The following KLC4 variants were observed in gnomAD, a reference collection of about 807,000 sequenced individuals.
KLC4 encodes the protein kinesin light chain 4.
KLC4 carries 49 observed loss-of-function variants against 77.2 expected under a neutral mutation model. That is an observed-to-expected ratio of 0.63 (90% CI 0.50 to 0.80). The LOEUF is 0.80. Among genes scored for constraint, KLC4 ranks in the 30% least tolerant of loss-of-function variants. The pLI is 0.00. For synonymous variants in KLC4, 274 were observed against 314.5 expected, an observed-to-expected ratio of 0.87 and a Z score of 1.36; for missense variants, 669 against 793.5, an observed-to-expected ratio of 0.84 and a Z score of 1.89.
chr6:43,066,110 A>G (rs1447582234), intron 4 of KLC4, among the ~76,000 whole-genome samples, 196 bp from the exon 5 acceptor site: 1 of 152,218 alleles, frequency 6.6e-6, no homozygotes, highest in East Asian at 1.9e-4. Flanking sequence ...TGCATGAATT[A>G]CTGGGTGAAC....
intron 6 of KLC4, 91 bp from the exon 7 acceptor site, chr6:43,070,263 G>A: frequency 1.2e-6 from 1 of 810,246 alleles, no homozygotes; most frequent in Non-Finnish European, 2.1e-6. Context: ...TGTGCAGTGA[G>A]TGTTGGGCCC....
chr6:43,066,255 A>G, intron 4 of KLC4, 51 bp from the exon 5 acceptor site: 1 of 1,488,282 alleles, frequency 6.7e-7, no homozygotes, highest in Non-Finnish European at 9.4e-7. Context: ...GGAAGGGCAG[A>G]CAGCAAAGGG....
intron 6 of KLC4, among the ~76,000 whole-genome samples, chr6:43,070,095 C>CAA (rs1160489881): frequency 8.8e-5 from 7 of 79,380 alleles, no homozygotes; most frequent in African/African-American, 1.5e-4. Context: ...ACAACAACAA[C>CAA]AAAAAAAAAA....
chr6:43,062,909 C>A lies in KLC4; in HGVS notation c.259-8C>A, dbSNP rs746914399. 1 of 1,612,156 alleles carries A rather than the reference C, an allele frequency of 6.2e-7. No homozygotes were observed. The highest frequency in any genetic ancestry group is 8.5e-7 in the Non-Finnish European group (1 of 1,178,230). On this transcript the variant is annotated splice_region_variant and splice_polypyrimidine_tract_variant and intron_variant, in intron 2 of 15. Transcript: ENST00000347162. ...AGAATCTGGAGCTCAGGGGATGTGC[C>A]CACCTAGGTGATGCTGGCTCTAGCC...
In KLC4 at chr6:43,071,617, A is replaced by G; in HGVS notation, c.1306A>G (p.Lys436Glu). 1.2e-6 allele frequency: 2 copies of G among 1,613,494 alleles called. No individual in the cohort carries two copies. Among genetic ancestry groups the G allele is most frequent in the East Asian group, 2.2e-5 (1 of 44,862 alleles). The change falls in exon 10 of 16, where the codon AAA becomes GAA. Residue 436 changes from lysine to glutamate, a missense_variant and splice_region_variant. Coordinates refer to ENST00000347162, the MANE Select transcript of KLC4 (RefSeq NM_201521.3). ...TGCAGAGGAGCGGGAGGAAATGAGC[A>G]AAGTGAGTGGGGGGAAGGGGGGCCA... ...MHAEEREEMS[K>E]SRHHEGGTPY...
intron 6 of KLC4, 77 bp from the exon 7 acceptor site, chr6:43,070,277 T>C: frequency 1.1e-6 from 1 of 948,736 alleles, no homozygotes; most frequent in Non-Finnish European, 1.7e-6. Flanking sequence ...TGGGCCCTGC[T>C]GGGAGGTGGG....
chr6:43,063,575 C>T (rs1184198313), intron 3 of KLC4, among the ~76,000 whole-genome samples: 7 of 145,848 alleles, frequency 4.8e-5, no homozygotes, highest in African/African-American at 1.0e-4. Flanking sequence ...TTTTTTGAGA[C>T]GGAGTTTCAC....
At position 43,066,337 on chromosome 6, in the gene KLC4, G is replaced by T; in HGVS notation, c.603G>T (p.Gln201His). The part of the protein sequence containing the change: ...LSRGQGATAA[Q>H]QGGYEIPARL... Reference sequence around the variant, plus strand: ...GTGGTCAAGGTGCTACAGCAGCTCAGCAGGGTGGATATGAGATCCCAGCAA... The same window carrying T: ...GTGGTCAAGGTGCTACAGCAGCTCATCAGGGTGGATATGAGATCCCAGCAA... The change falls in exon 5 of 16, where the codon CAG becomes CAT. Residue 201 changes from glutamine to histidine, a missense_variant. By Grantham distance (24) the Gln-to-His change is conservative. Coordinates refer to ENST00000347162, the MANE Select transcript of KLC4 (RefSeq NM_201521.3). 6.2e-7 allele frequency: 1 copy of T among 1,614,180 alleles called. No individual in the cohort carries two copies. The highest frequency in any genetic ancestry group is 8.5e-7 in the Non-Finnish European group (1 of 1,180,018).
intron 8 of KLC4, 61 bp downstream of exon 8, chr6:43,070,926 A>AG (rs201530763): frequency 0.058 from 6,158 of 106,436 alleles, 112 homozygotes; most frequent in Non-Finnish European, 0.07. Flanking sequence ...AGGTGGGGGG[A>AG]GGGGGGGCAG....
intron 15 of KLC4, 25 bp from the exon 16 acceptor site, chr6:43,074,597 G>T (rs1275337458): frequency 6.2e-7 from 1 of 1,612,442 alleles, no homozygotes; most frequent in Non-Finnish European, 8.5e-7. Context: ...TCCCTGAGCT[G>T]ATGGGGTAGT....
chr6:43,065,599 AT>A lies in KLC4; in HGVS notation c.490-20del. 1 of 1,581,906 alleles carries A rather than the reference AT, an allele frequency of 6.3e-7. No homozygotes were observed. Among genetic ancestry groups the A allele is most frequent in the Non-Finnish European group, 8.7e-7 (1 of 1,150,974 alleles). On this transcript the variant is annotated intron_variant, in intron 3 of 15. Coordinates refer to ENST00000347162, the MANE Select transcript of KLC4 (RefSeq NM_201521.3). ...TAGGTAGGGATATCTTGGCCCTTAT[AT>A]GTTGCTTCTTCCCTTCCAGGAGGAG...
chr6:43,059,916 C>T (rs1157277977), intron 1 of KLC4: 7 of 1,267,988 alleles, frequency 5.5e-6, no homozygotes, highest in Non-Finnish European at 6.0e-6. Flanking sequence ...GGTCGTTAGG[C>T]CTCCACGTCC....
At chr6:43,071,487 C>A in intron 9 of KLC4, 80 bp from the exon 10 acceptor site, 1 of 1,555,716 alleles carries the variant, frequency 6.4e-7, no homozygotes, top group Non-Finnish European at 8.8e-7. Context: ...TTCAGTCCAG[C>A]CTGTCAGCCT....
At position 43,071,337 on chromosome 6, in the gene KLC4, G is replaced by C. The variant is rs369422490; in HGVS notation, c.1218G>C (p.Leu406=). ...CTGAGACACTATACAAAGAGATCCT[G>C]ACCCGTGCCCATGTACAGGAGTTTG... ...AEAETLYKEI[L]TRAHVQEFGS... is the part of the protein sequence containing the mutation. Residue 406 remains leucine, a synonymous_variant, in exon 9 of 16, where the codon CTG becomes CTC. Coordinates refer to ENST00000347162, the MANE Select transcript of KLC4 (RefSeq NM_201521.3). 46 of 1,613,778 alleles carry C rather than the reference G, an allele frequency of 2.9e-5. No individual in the cohort carries two copies. The highest frequency in any genetic ancestry group is 3.7e-5 in the Non-Finnish European group (44 of 1,179,908).
At chr6:43,074,189 G>A (rs962870247) in intron 15 of KLC4, 9 of 491,810 alleles carry the variant, frequency 1.8e-5, no homozygotes, top group Non-Finnish European at 3.2e-5. Context: ...TAATAAGGAG[G>A]GAAATAGGAA....
In KLC4 at chr6:43,074,823, C is replaced by T; in HGVS notation, c.*151C>T. On this transcript the variant is annotated 3_prime_UTR_variant, in exon 16 of 16. Transcript: ENST00000347162. ...ATTGCTGCTGCCCTTAGGGTCTCAGCTCCCTCCTCAGGAATCCCTCTTAGG... is the reference window on the plus strand; with the variant it reads ...ATTGCTGCTGCCCTTAGGGTCTCAGTTCCCTCCTCAGGAATCCCTCTTAGG... 1 of 677,970 alleles carries T rather than the reference C, an allele frequency of 1.5e-6. No individual in the cohort carries two copies. The highest frequency in any genetic ancestry group is 2.7e-6 in the Non-Finnish European group (1 of 375,912). 42.0% of individuals were successfully genotyped at this position (677,970 alleles called of 1,614,324 possible).
intron 12 of KLC4, 83 bp from the exon 13 acceptor site, chr6:43,072,741 T>C (rs543587341): frequency 2.9e-6 from 4 of 1,375,208 alleles, no homozygotes; most frequent in Non-Finnish European, 3.0e-6. Context: ...TTCCTTCCAG[T>C]GGCTGATGGT....
chr6:43,060,019 T>G, intron 1 of KLC4: 15 of 1,384,824 alleles, frequency 1.1e-5, no homozygotes, highest in African/African-American at 1.5e-5. Flanking sequence ...CCAGGGCAGG[T>G]CGACAGCCCG....
intron 6 of KLC4, among the ~76,000 whole-genome samples, chr6:43,070,107 AAAAAG>A (rs1423765396): frequency 1.4e-3 from 202 of 141,124 alleles, no homozygotes; most frequent in African/African-American, 5.0e-3. Flanking sequence ...AAAAAAAAAA[AAAAAG>A]AAAGAAAAAA....
Sources: gnomAD v4.1 joint callset for allele counts (sites outside exome capture counted in the v4.1 genomes callset) on GRCh38, gnomAD v4.1.1 for gene constraint, MANE v1.5 for transcripts, NCBI Gene and HGNC (gene_info 2026-07-23, HGNC 2026-07-21) for gene names.